LRRK2: variants seen among roughly 807,000 people sequenced by gnomAD.
LRRK2 encodes the protein leucine rich repeat kinase 2.
Under a neutral mutation model 302.6 loss-of-function variants are expected in LRRK2, and 203 were observed. The observed-to-expected ratio is 0.67, with a 90% CI of 0.60 to 0.75. The LOEUF (loss-of-function observed/expected upper bound fraction) is 0.75, where lower values mean the gene tolerates loss of function less well. Among genes scored for constraint, LRRK2 ranks in the 30% least tolerant of loss-of-function variants. The pLI is 0.00. For missense variants in LRRK2, 2,830 were observed against 2,951.0 expected, an observed-to-expected ratio of 0.96 and a Z score of 0.95; for synonymous variants, 1,066 against 1,031.9, an observed-to-expected ratio of 1.03 and a Z score of -0.63.
At chr12:40,341,862 A>G (rs17491536) in intron 41 of LRRK2, among the ~76,000 whole-genome samples, 9,162 of 152,332 alleles carry the variant, frequency 0.06, 294 homozygotes, top group African/African-American at 0.078. Context: ...ACTATTAAAA[A>G]AGTCAAAACA....
chr12:40,234,984 A>G (rs1281885364), intron 3 of LRRK2, among the ~76,000 whole-genome samples: 1 of 152,202 alleles, frequency 6.6e-6, no homozygotes, highest in Non-Finnish European at 1.5e-5. Context: ...TAAATGAGAC[A>G]CATAATAGTC....
intron 48 of LRRK2, 101 bp from the exon 49 acceptor site, chr12:40,364,741 C>T: frequency 4.0e-6 from 4 of 1,001,572 alleles, no homozygotes; most frequent in Non-Finnish European, 6.1e-6. Context: ...GTGGTGGTGT[C>T]ATGTTTTAAT....
chr12:40,275,296 A>C (rs1943402227), intron 16 of LRRK2, among the ~76,000 whole-genome samples: 1 of 152,242 alleles, frequency 6.6e-6, no homozygotes, highest in African/African-American at 2.4e-5. Context: ...TTAGATAAAT[A>C]GAATTTATAA....
intron 28 of LRRK2, among the ~76,000 whole-genome samples, chr12:40,306,614 G>A (rs1034128648): frequency 2.6e-5 from 4 of 151,952 alleles, no homozygotes; most frequent in Non-Finnish European, 5.9e-5. Flanking sequence ...CTGTATTAAC[G>A]TTGCAGACCT....
intron 41 of LRRK2, among the ~76,000 whole-genome samples, 174 bp downstream of exon 41, chr12:40,340,628 G>GA (rs1946010761): frequency 1.3e-5 from 2 of 151,994 alleles, no homozygotes; most frequent in Admixed American, 1.3e-4. Context: ...TATTTTGTAG[G>GA]AAAAAAACAA....
chr12:40,239,111 G>A (rs1941605191), intron 5 of LRRK2, among the ~76,000 whole-genome samples: 1 of 152,172 alleles, frequency 6.6e-6, no homozygotes, highest in Admixed American at 6.5e-5. Flanking sequence ...TTATTCAGGA[G>A]AAGCAATTGG....
At chr12:40,293,844 C>T (rs1446461044) in intron 21 of LRRK2, among the ~76,000 whole-genome samples, 181 bp downstream of exon 21, 1 of 150,016 alleles carries the variant, frequency 6.7e-6, no homozygotes, top group Non-Finnish European at 1.5e-5. Context: ...AAATTATGCT[C>T]AATTCACATT....
Position 40,259,572 on chromosome 12 carries a change from C to G in LRRK2, c.1511C>G (p.Ala504Gly), listed in dbSNP as rs201333920. The change falls in exon 13 of 51, where the codon GCG becomes GGG. Residue 504 changes from alanine to glycine, a missense_variant. Around this residue, in one of 3 missense-constraint regions of LRRK2, gnomAD observed 2,121 missense variants for 2,148.0 expected, o/e 0.99. Transcript: ENST00000298910. ...HETSLPVQLE[A>G]LRAILHFIVP... The stretch of plus-strand genomic sequence containing the variant: ...ACATCATTACCAGTGCAGCTGGAGG[C>G]GCTTCGAGCTATTTTACATTTTATA... 8 of 1,613,054 alleles carry G rather than the reference C, an allele frequency of 5.0e-6. No individual in the cohort carries two copies. The highest frequency in any genetic ancestry group is 1.7e-5 in the Admixed American group (1 of 59,922).
At chr12:40,295,712 A>G in intron 23 of LRRK2, 68 bp downstream of exon 23, 3 of 1,447,076 alleles carry the variant, frequency 2.1e-6, no homozygotes, top group Admixed American at 3.7e-5. Context: ...TCTAATTTGC[A>G]TAATTAAGTC....
chr12:40,359,153 C>G (rs1555196022), intron 46 of LRRK2, 107 bp from the exon 47 acceptor site: 4 of 926,218 alleles, frequency 4.3e-6, no homozygotes, highest in Non-Finnish European at 6.5e-6. Flanking sequence ...TTTAATATCT[C>G]TAATCATTTA....
Position 40,257,381 on chromosome 12 carries a change from A to G in LRRK2, c.1418+4A>G. The G allele has an allele frequency of 1.2e-6, 2 of 1,611,954 alleles. No homozygotes were observed. Among genetic ancestry groups the G allele is most frequent in the Non-Finnish European group, 1.7e-6 (2 of 1,178,482 alleles). On this transcript the variant is annotated splice_donor_region_variant and intron_variant, in intron 12 of 50. Transcript: ENST00000298910. ...TAAATCATCTTTTTGAAGGAAGGTA[A>G]TATAGATTCATTAACTTGTACAGAA... is the stretch of plus-strand genomic sequence containing the variant.
intron 18 of LRRK2, among the ~76,000 whole-genome samples, chr12:40,279,375 C>T (rs751723251): frequency 1.8e-4 from 27 of 151,772 alleles, no homozygotes; most frequent in East Asian, 1.2e-3. Flanking sequence ...TCATGCATTA[C>T]GTTTATGAAT....
At chr12:40,327,535 G>A (rs931604895) in intron 38 of LRRK2, among the ~76,000 whole-genome samples, 9 of 152,280 alleles carry the variant, frequency 5.9e-5, no homozygotes, top group East Asian at 1.9e-4. Context: ...AGAACAAGAG[G>A]AGAACTTTAA....
intron 12 of LRRK2, 53 bp from the exon 13 acceptor site, chr12:40,259,427 T>A (rs898433182): frequency 1.2e-6 from 2 of 1,608,502 alleles, no homozygotes; most frequent in African/African-American, 1.3e-5. Flanking sequence ...TTGGTGTTTA[T>A]ACCATTGAAT....
intron 4 of LRRK2, among the ~76,000 whole-genome samples, 197 bp downstream of exon 4, chr12:40,235,911 T>TATTTCCAAA (rs1941443007): frequency 6.6e-6 from 1 of 151,914 alleles, no homozygotes; most frequent in African/African-American, 2.4e-5. Flanking sequence ...AAATATCAGT[T>TATTTCCAAA]ATTTCCAAAA....
In LRRK2 at chr12:40,310,517, A is replaced by G. The variant is rs1470418916; in HGVS notation, c.4404A>G (p.Lys1468=). Residue 1468 remains lysine, a synonymous_variant, in exon 31 of 51, where the codon AAA becomes AAG. Coordinates refer to ENST00000298910, the MANE Select transcript of LRRK2 (RefSeq NM_198578.4). ...AGCAACGCAAAGCCTGCATGAGTAA[A>G]ATCACCAAGGAACTCCTGAATAAGC... ...DEKQRKACMS[K]ITKELLNKRG... 1 of 1,612,834 alleles carries G rather than the reference A, an allele frequency of 6.2e-7. No homozygotes were observed. The highest frequency in any genetic ancestry group is 1.3e-5 in the African/African-American group (1 of 74,520).
intron 4 of LRRK2, among the ~76,000 whole-genome samples, chr12:40,236,923 T>G (rs559824243): frequency 2.6e-5 from 4 of 152,164 alleles, no homozygotes; most frequent in African/African-American, 9.6e-5. Context: ...TTTATTAATA[T>G]GAAAAATCTA....
intron 13 of LRRK2, among the ~76,000 whole-genome samples, chr12:40,261,284 A>G (rs1565689560): frequency 6.6e-6 from 1 of 152,204 alleles, no homozygotes; most frequent in Non-Finnish European, 1.5e-5. Context: ...GGTTTTAAAG[A>G]TAACCAAAGG....
chr12:40,282,112 TCCCTC>T (rs1160837095), intron 18 of LRRK2, among the ~76,000 whole-genome samples: 34,580 of 43,312 alleles, frequency 0.8, 14,329 homozygotes, highest in Middle Eastern at 0.92. Flanking sequence ...CCCCTTCTCT[TCCCTC>T]CCCTCCCCTC....
Sources: gnomAD v4.1 joint callset for allele counts (sites outside exome capture counted in the v4.1 genomes callset) on GRCh38, gnomAD v4.1.1 for gene constraint, gnomAD v4.1.1 regional missense constraint, MANE v1.5 for transcripts, NCBI Gene and HGNC (gene_info 2026-07-23, HGNC 2026-07-21) for gene names.